Variants in GATAD2A observed in about 807,000 individuals in gnomAD.
The protein encoded by GATAD2A is GATA zinc finger domain containing 2A, also known as transcriptional repressor p66-alpha.
In GATAD2A, 12 loss-of-function variants were observed where a neutral mutation model predicts 68.5. That is an observed-to-expected ratio of 0.18 (90% CI 0.11 to 0.28). The LOEUF is 0.28. GATAD2A is among the 10% of genes least tolerant of loss of function. GATAD2A has a pLI of 1.00. For synonymous variants in GATAD2A, 410 were observed against 375.3 expected, an observed-to-expected ratio of 1.09 and a Z score of -1.07; for missense variants, 755 against 868.5, an observed-to-expected ratio of 0.87 and a Z score of 1.64.
intron 1 of GATAD2A, among the ~76,000 whole-genome samples, chr19:19,420,745 A>G (rs905833425): frequency 3.3e-5 from 5 of 151,836 alleles, no homozygotes; most frequent in African/African-American, 9.7e-5. Flanking sequence ...CATCGTGTGA[A>G]GTGTGGGTAC....
chr19:19,448,183 G>A (rs1438905358), intron 1 of GATAD2A, among the ~76,000 whole-genome samples: 2 of 152,254 alleles, frequency 1.3e-5, no homozygotes, highest in Non-Finnish European at 2.9e-5. Flanking sequence ...TCACAGTGAC[G>A]TCCTACAGCT....
intron 1 of GATAD2A, among the ~76,000 whole-genome samples, chr19:19,433,650 AAAC>A (rs1239609066): frequency 1.3e-5 from 2 of 152,232 alleles, no homozygotes; most frequent in Non-Finnish European, 1.5e-5. Flanking sequence ...TGATTCATGC[AAAC>A]AACAACTTTA....
intron 1 of GATAD2A, among the ~76,000 whole-genome samples, chr19:19,460,201 C>G (rs2057303985): frequency 6.6e-6 from 1 of 152,204 alleles, no homozygotes; most frequent in Non-Finnish European, 1.5e-5. Context: ...GGTACAGATC[C>G]AGGATGTGGC....
At chr19:19,447,320 G>T (rs1362363883) in intron 1 of GATAD2A, among the ~76,000 whole-genome samples, 1 of 152,142 alleles carries the variant, frequency 6.6e-6, no homozygotes, top group African/African-American at 2.4e-5. Flanking sequence ...GGACTTGGGG[G>T]ACGGGCACAG....
At chr19:19,426,019 C>A (rs2053048624) in intron 1 of GATAD2A, among the ~76,000 whole-genome samples, 1 of 152,126 alleles carries the variant, frequency 6.6e-6, no homozygotes, top group African/African-American at 2.4e-5. Context: ...AACTTGTAAG[C>A]TCACGCAATC....
intron 1 of GATAD2A, among the ~76,000 whole-genome samples, chr19:19,433,759 G>T (rs1337394835): frequency 1.3e-5 from 2 of 152,118 alleles, no homozygotes; most frequent in Non-Finnish European, 2.9e-5. Flanking sequence ...ATTTATTACT[G>T]CAAGGAGTAC....
At chr19:19,411,509 A>G (rs958132501) in intron 1 of GATAD2A, among the ~76,000 whole-genome samples, 1 of 152,158 alleles carries the variant, frequency 6.6e-6, no homozygotes, top group Non-Finnish European at 1.5e-5. Flanking sequence ...TGGTACTTGC[A>G]GTGGTGTCTG....
intron 1 of GATAD2A, among the ~76,000 whole-genome samples, chr19:19,439,147 C>T (rs899451484): frequency 2.6e-5 from 4 of 152,184 alleles, no homozygotes; most frequent in African/African-American, 9.7e-5. Flanking sequence ...CTGAGGCACA[C>T]AGTCTACACA....
chr19:19,446,543 A>G (rs1171183404), intron 1 of GATAD2A, among the ~76,000 whole-genome samples: 1 of 151,676 alleles, frequency 6.6e-6, no homozygotes, highest in African/African-American at 2.4e-5. Flanking sequence ...ATGCAGTCCA[A>G]ATTATCTTTT....
At chr19:19,485,027 C>T (rs754768797) in intron 2 of GATAD2A, among the ~76,000 whole-genome samples, 3 of 152,194 alleles carry the variant, frequency 2.0e-5, no homozygotes, top group Non-Finnish European at 4.4e-5. Context: ...CAGCTCTGGT[C>T]TCCCACATGA....
intron 1 of GATAD2A, among the ~76,000 whole-genome samples, chr19:19,436,467 A>G (rs1261645707): frequency 6.6e-6 from 1 of 152,258 alleles, no homozygotes; most frequent in African/African-American, 2.4e-5. Flanking sequence ...GGTCTAAATA[A>G]GATGAGCCTG....
At chr19:19,467,131 T>G (rs1292046543) in intron 2 of GATAD2A, among the ~76,000 whole-genome samples, 2 of 152,172 alleles carry the variant, frequency 1.3e-5, no homozygotes, top group Non-Finnish European at 2.9e-5. Context: ...ATCCCAGCAC[T>G]TTAGGGGGCC....
chr19:19,427,345 C>T (rs1037933429), intron 1 of GATAD2A, among the ~76,000 whole-genome samples: 1 of 148,148 alleles, frequency 6.8e-6, no homozygotes, highest in African/African-American at 2.5e-5. Flanking sequence ...TATTCTATAC[C>T]TTTATGACAA....
intron 2 of GATAD2A, among the ~76,000 whole-genome samples, chr19:19,482,271 G>A (rs1386248704): frequency 2.6e-5 from 4 of 152,166 alleles, no homozygotes; most frequent in Admixed American, 2.6e-4. Flanking sequence ...AGGTGTGGTA[G>A]TGGGCGCCTG....
chr19:19,436,171 T>C (rs1392338239), intron 1 of GATAD2A: 2 of 1,366,364 alleles, frequency 1.5e-6, no homozygotes, highest in Non-Finnish European at 2.0e-6. Flanking sequence ...TTGATGTCAC[T>C]GTGGCCATGG....
intron 2 of GATAD2A, among the ~76,000 whole-genome samples, chr19:19,490,206 G>T (rs889490812): frequency 6.6e-6 from 1 of 152,180 alleles, no homozygotes; most frequent in African/African-American, 2.4e-5. Flanking sequence ...TAGGACCAGC[G>T]TTCAGGTACA....
intron 1 of GATAD2A, among the ~76,000 whole-genome samples, chr19:19,441,903 G>A (rs903814906): frequency 6.7e-6 from 1 of 150,348 alleles, no homozygotes; most frequent in Admixed American, 6.7e-5. Context: ...CTCTTGTTGC[G>A]CAGGCTGGAG....
intron 2 of GATAD2A, chr19:19,474,085 G>T (rs2058505191): frequency 1.0e-6 from 1 of 985,168 alleles, no homozygotes; most frequent in Non-Finnish European, 1.2e-6. Flanking sequence ...GCTTTGTTTT[G>T]TTCTGTGCCA....
Position 19,474,638 on chromosome 19 carries a change from G to A in GATAD2A, c.269+9024G>A, listed in dbSNP as rs181475467. ...CAATTTGGGCCTGGTGTGAGCACCC[G>A]CTGCTGTGCAAGGTCCCTGCAGATT... On this transcript the variant is annotated intron_variant, in intron 2 of 11. Coordinates refer to ENST00000683918, the MANE Select transcript of GATAD2A (RefSeq NM_001384528.1). Among the ~76,000 whole-genome samples, 12 of 152,328 alleles carry A rather than the reference G, an allele frequency of 7.9e-5. No homozygotes were observed. The East Asian group carries it at 1.3e-3, about 17-fold the overall frequency.
Sources: gnomAD v4.1 joint callset for allele counts (sites outside exome capture counted in the v4.1 genomes callset) on GRCh38, gnomAD v4.1.1 for gene constraint, MANE v1.5 for transcripts, NCBI Gene and HGNC (gene_info 2026-07-23, HGNC 2026-07-21) for gene names.